The following TCF12 variants were observed in gnomAD, a reference collection of about 807,000 sequenced individuals.
TCF12 encodes transcription factor 12.
In TCF12, 45 loss-of-function variants were observed where a neutral mutation model predicts 86.0. The observed-to-expected ratio is 0.52, with a 90% CI of 0.41 to 0.67. The LOEUF (loss-of-function observed/expected upper bound fraction) is 0.67, where lower values mean the gene tolerates loss of function less well. Among genes scored for constraint, TCF12 ranks in the 30% least tolerant of loss-of-function variants. The pLI, the probability that TCF12 is intolerant of heterozygous loss-of-function variation, is 0.00. For missense variants in TCF12, 881 were observed against 859.9 expected (o/e 1.02, Z -0.31); for synonymous variants, 330 against 299.6 (o/e 1.10, Z -1.05).
At chr15:57,086,383 G>C (rs1489056642) in intron 4 of TCF12, among the ~76,000 whole-genome samples, 2 of 151,736 alleles carry the variant, frequency 1.3e-5, no homozygotes, top group African/African-American at 2.4e-5. Flanking sequence ...TACAGATAAG[G>C]AAACTGAGAT....
chr15:57,247,304 C>A lies in TCF12; in HGVS notation c.1114+3754C>A, dbSNP rs570382047. On this transcript the variant is annotated intron_variant, in intron 13 of 20. Transcript: ENST00000333725. ...ACTACCTCTGCTGCCACCACCTTCA[C>A]CACCATAGCCTCCTCTTCCATCAGA... is the stretch of plus-strand genomic sequence containing the variant. 480 of 656,500 alleles carry A rather than the reference C, an allele frequency of 7.3e-4. 8 individuals carry two copies. In the South Asian group the frequency reaches 7.4e-3, roughly 10 times the overall value. The allele number at this position is 656,500 out of a possible 1,614,324, so 40.7% of individuals were successfully genotyped here. A position where few individuals can be genotyped will look rare whatever the true frequency, so the allele number is the denominator to read the frequency against.
At chr15:57,050,594 G>A (rs556741129) in intron 3 of TCF12, among the ~76,000 whole-genome samples, 1 of 152,136 alleles carries the variant, frequency 6.6e-6, no homozygotes, top group African/African-American at 2.4e-5. Flanking sequence ...TTTTTTCACT[G>A]ATTTGGGGAA....
At chr15:57,004,719 C>T (rs1335558896) in intron 3 of TCF12, among the ~76,000 whole-genome samples, 4 of 151,580 alleles carry the variant, frequency 2.6e-5, no homozygotes, top group African/African-American at 9.7e-5. Flanking sequence ...CTATGCCAAG[C>T]TCATTTTTGT....
At chr15:56,976,579 A>G (rs2062618547) in intron 3 of TCF12, among the ~76,000 whole-genome samples, 1 of 152,036 alleles carries the variant, frequency 6.6e-6, no homozygotes, top group Non-Finnish European at 1.5e-5. Context: ...AATGTTACAA[A>G]TTTGTATTTA....
intron 4 of TCF12, among the ~76,000 whole-genome samples, chr15:57,084,107 T>C (rs1189200348): frequency 6.6e-6 from 1 of 152,204 alleles, no homozygotes; most frequent in African/African-American, 2.4e-5. Flanking sequence ...AAAATTATAT[T>C]GTACCTTATG....
At chr15:57,111,793 A>G (rs2050511078) in intron 5 of TCF12, among the ~76,000 whole-genome samples, 1 of 151,834 alleles carries the variant, frequency 6.6e-6, no homozygotes, top group Admixed American at 6.6e-5. Context: ...GGATTTTACC[A>G]TGTTGTTCAA....
intron 5 of TCF12, among the ~76,000 whole-genome samples, chr15:57,145,830 G>A (rs945951414): frequency 3.3e-5 from 5 of 152,226 alleles, no homozygotes; most frequent in South Asian, 4.1e-4. Flanking sequence ...CTCCTGCTGC[G>A]TGATAGTTGA....
chr15:57,103,260 T>C (rs1430620952), intron 5 of TCF12, among the ~76,000 whole-genome samples: 7 of 152,196 alleles, frequency 4.6e-5, no homozygotes, highest in African/African-American at 1.2e-4. Context: ...AAATTGTGGA[T>C]TTTGATGCAG....
chr15:57,088,673 A>G (rs1455368935), intron 4 of TCF12, among the ~76,000 whole-genome samples: 1 of 152,084 alleles, frequency 6.6e-6, no homozygotes, highest in Non-Finnish European at 1.5e-5. Flanking sequence ...TCTTGCTACT[A>G]GTAGTGTAGT....
chr15:57,282,465 G>A lies in TCF12; in HGVS notation c.1999G>A (p.Ala667Thr). The change falls in exon 20 of 21, where the codon GCA becomes ACA. Residue 667 changes from alanine (A) to threonine (T), a missense_variant. By Grantham distance (58) the Ala-to-Thr change is moderately conservative. Around this residue, in one of 3 missense-constraint regions of TCF12, gnomAD observed 69 missense variants for 64.2 expected, o/e 1.07. Coordinates refer to ENST00000333725, the MANE Select transcript of TCF12 (RefSeq NM_207037.2). The part of the protein sequence containing the change: ...QVRERNLNPK[A>T]ACLKRREEEK... ...TTTAGAGAGGAACCTTAACCCCAAA[G>A]CAGCCTGCCTTAAGAGAAGGGAAGA... 3.1e-6 allele frequency: 5 copies of A among 1,614,194 alleles called. No individual in the cohort carries two copies. The highest frequency in any genetic ancestry group is 4.2e-6 in the Non-Finnish European group (5 of 1,180,050).
intron 8 of TCF12, among the ~76,000 whole-genome samples, chr15:57,216,273 G>A (rs1482408087): frequency 1.3e-5 from 2 of 152,066 alleles, no homozygotes; most frequent in Admixed American, 6.6e-5. Flanking sequence ...ATTTTCACTA[G>A]TCATTTTGCT....
intron 3 of TCF12, among the ~76,000 whole-genome samples, chr15:56,961,284 A>G (rs1168778386): frequency 6.6e-6 from 1 of 152,246 alleles, no homozygotes. Flanking sequence ...TGCTGTGCTA[A>G]TAATTGCAAT....
chr15:56,934,416 C>T (rs16977155), intron 3 of TCF12, among the ~76,000 whole-genome samples: 6,251 of 152,184 alleles, frequency 0.041, 358 homozygotes, highest in African/African-American at 0.13. Flanking sequence ...GGTTATGAAA[C>T]GCTAGAGAAA....
At chr15:57,237,411 C>A (rs1653847755) in intron 12 of TCF12, among the ~76,000 whole-genome samples, 1 of 151,966 alleles carries the variant, frequency 6.6e-6, no homozygotes, top group African/African-American at 2.4e-5. Context: ...TGTCTAAAGC[C>A]CTTTTCATTA....
chr15:56,928,548 T>C (rs1214043445), intron 3 of TCF12, among the ~76,000 whole-genome samples: 6 of 152,180 alleles, frequency 3.9e-5, no homozygotes, highest in Admixed American at 2.6e-4. Flanking sequence ...CATAAAATTG[T>C]GTATATGAAG....
At chr15:56,950,747 T>C (rs1324706264) in intron 3 of TCF12, among the ~76,000 whole-genome samples, 5,536 of 72,532 alleles carry the variant, frequency 0.076, 1,793 homozygotes, top group Admixed American at 0.15. Flanking sequence ...ATGACCATGT[T>C]TTTTTTTTTT....
intron 6 of TCF12, among the ~76,000 whole-genome samples, chr15:57,175,445 A>G (rs550352925): frequency 1.3e-5 from 2 of 152,212 alleles, no homozygotes; most frequent in Non-Finnish European, 2.9e-5. Flanking sequence ...AGTACAGTGA[A>G]TTAGCAAGTT....
chr15:57,209,417 G>C (rs1283415959), intron 8 of TCF12, among the ~76,000 whole-genome samples: 1 of 152,086 alleles, frequency 6.6e-6, no homozygotes, highest in Non-Finnish European at 1.5e-5. Context: ...ATAGGGCCAT[G>C]GTCCTCACGC....
At chr15:57,015,432 A>AGGTTG (rs2065097162) in intron 3 of TCF12, among the ~76,000 whole-genome samples, 1 of 152,206 alleles carries the variant, frequency 6.6e-6, no homozygotes. Context: ...CTTCCATGCA[A>AGGTTG]AATAGCTGTC....
Sources: gnomAD v4.1 joint callset for allele counts (sites outside exome capture counted in the v4.1 genomes callset) on GRCh38, gnomAD v4.1.1 for gene constraint, gnomAD v4.1.1 regional missense constraint, MANE v1.5 for transcripts, NCBI Gene and HGNC (gene_info 2026-07-23, HGNC 2026-07-21) for gene names.